The following FSIP1 variants were observed in gnomAD, a reference collection of about 807,000 sequenced individuals.
FSIP1 encodes fibrous sheath-interacting protein 1.
FSIP1 carries 65 observed loss-of-function variants against 60.9 expected under a neutral mutation model. The ratio of observed to expected loss-of-function variants is 1.07; its 90% CI spans 0.87 to 1.31. The LOEUF is 1.31. Ranked by LOEUF, FSIP1 falls within the 40% of genes most tolerant of loss-of-function variation. The pLI is 0.00. For missense variants in FSIP1, 675 were observed against 665.5 expected (o/e 1.01, Z -0.16); for synonymous variants, 209 against 221.2 (o/e 0.94, Z 0.49).
chr15:39,742,870 T>C (rs1347211859), intron 5 of FSIP1, among the ~76,000 whole-genome samples: 1 of 152,236 alleles, frequency 6.6e-6, no homozygotes, highest in African/African-American at 2.4e-5. Context: ...CTTTGTACAA[T>C]CTTTGATGAG....
chr15:39,728,451 T>C (rs1249648216), intron 8 of FSIP1, among the ~76,000 whole-genome samples: 2 of 152,056 alleles, frequency 1.3e-5, no homozygotes, highest in Non-Finnish European at 2.9e-5. Context: ...CATAGACCAA[T>C]GGAACAGAAG....
chr15:39,759,222 G>A (rs140828238), intron 5 of FSIP1, among the ~76,000 whole-genome samples: 16 of 152,008 alleles, frequency 1.1e-4, no homozygotes, highest in African/African-American at 3.4e-4. Context: ...TGCTTATGGT[G>A]TTTGTGACAA....
intron 2 of FSIP1, 39 bp from the exon 3 acceptor site, chr15:39,770,649 ACTGT>A: frequency 7.5e-7 from 1 of 1,327,442 alleles, no homozygotes; most frequent in Non-Finnish European, 1.0e-6. Context: ...TTCCGAAAAT[ACTGT>A]CTTTTTTTAA....
intron 10 of FSIP1, among the ~76,000 whole-genome samples, chr15:39,627,300 G>T (rs1170680819): frequency 6.6e-6 from 1 of 152,204 alleles, no homozygotes; most frequent in Non-Finnish European, 1.5e-5. Flanking sequence ...TGTCACTTCT[G>T]ATGCCACTGC....
chr15:39,680,645 G>A (rs143527534), intron 10 of FSIP1, among the ~76,000 whole-genome samples: 2 of 152,146 alleles, frequency 1.3e-5, no homozygotes, highest in African/African-American at 4.8e-5. Context: ...CTTGGTAACT[G>A]TAGAACCACA....
chr15:39,713,673 T>C, intron 9 of FSIP1, 92 bp from the exon 10 acceptor site: 1 of 1,167,906 alleles, frequency 8.6e-7, no homozygotes, highest in Non-Finnish European at 1.2e-6. Context: ...AGGGTTAGCT[T>C]TGCTTCTCAA....
At chr15:39,726,271 A>G (rs553134100) in intron 9 of FSIP1, among the ~76,000 whole-genome samples, 1 of 152,310 alleles carries the variant, frequency 6.6e-6, no homozygotes, top group East Asian at 1.9e-4. Flanking sequence ...ACAGGAATAA[A>G]GAAAAATAAG....
At chr15:39,730,310 G>T (rs1475514913) in intron 8 of FSIP1, among the ~76,000 whole-genome samples, 1 of 152,160 alleles carries the variant, frequency 6.6e-6, no homozygotes, top group Non-Finnish European at 1.5e-5. Context: ...CAAGATAGAG[G>T]CTTGGGATTA....
At chr15:39,747,857 A>G (rs948689385) in intron 5 of FSIP1, among the ~76,000 whole-genome samples, 6 of 152,074 alleles carry the variant, frequency 3.9e-5, no homozygotes, top group African/African-American at 1.4e-4. Flanking sequence ...TAAATCAGAA[A>G]AATTTCCTGT....
At chr15:39,757,315 T>C (rs1897330160) in intron 5 of FSIP1, among the ~76,000 whole-genome samples, 1 of 152,140 alleles carries the variant, frequency 6.6e-6, no homozygotes, top group African/African-American at 2.4e-5. Flanking sequence ...AGTAGCTTCG[T>C]ACCACCTTAT....
At chr15:39,679,193 T>C (rs1250593521) in intron 10 of FSIP1, among the ~76,000 whole-genome samples, 2 of 152,158 alleles carry the variant, frequency 1.3e-5, no homozygotes, top group Non-Finnish European at 2.9e-5. Context: ...TTAAGAAAGA[T>C]GGAGAATGGT....
At chr15:39,732,297 G>T (rs909534435) in intron 8 of FSIP1, among the ~76,000 whole-genome samples, 3 of 152,174 alleles carry the variant, frequency 2.0e-5, no homozygotes, top group African/African-American at 7.2e-5. Context: ...CCGTCCTAGA[G>T]AGATTCAAGA....
At chr15:39,613,860 T>G (rs944981521) in intron 11 of FSIP1, among the ~76,000 whole-genome samples, 7 of 152,236 alleles carry the variant, frequency 4.6e-5, no homozygotes, top group Admixed American at 2.0e-4. Context: ...AACCATATGA[T>G]AATCTCAATA....
chr15:39,712,469 C>CA (rs113221877), intron 10 of FSIP1, among the ~76,000 whole-genome samples: 21 of 149,530 alleles, frequency 1.4e-4, no homozygotes, highest in African/African-American at 4.2e-4. Flanking sequence ...AAGTAGGGAC[C>CA]AAAAAAAAAG....
intron 10 of FSIP1, among the ~76,000 whole-genome samples, chr15:39,635,039 T>TA (rs34494642): frequency 1.3e-5 from 2 of 152,088 alleles, no homozygotes; most frequent in Admixed American, 6.5e-5. Flanking sequence ...GTGCCTTTAG[T>TA]AAAAAAAGCA....
At chr15:39,669,028 A>G (rs1893612872) in intron 10 of FSIP1, among the ~76,000 whole-genome samples, 1 of 152,180 alleles carries the variant, frequency 6.6e-6, no homozygotes, top group African/African-American at 2.4e-5. Context: ...GAGAGTTCTA[A>G]GCAGTAGACA....
intron 2 of FSIP1, 134 bp downstream of exon 2, chr15:39,776,265 A>G (rs1014119341): frequency 1.4e-6 from 1 of 698,682 alleles, no homozygotes; most frequent in Middle Eastern, 3.0e-4. Context: ...TTAAAATCCA[A>G]GAAATCTGCA....
In FSIP1 at chr15:39,770,480, C is replaced by T. The variant is rs536457894; in HGVS notation, c.257G>A (p.Gly86Glu). 3 of 1,610,916 alleles carry T rather than the reference C, an allele frequency of 1.9e-6. No individual in the cohort carries two copies. Among genetic ancestry groups the T allele is most frequent in the East Asian group, 2.2e-5 (1 of 44,778 alleles). The change falls in exon 3 of 12, where the codon GGA becomes GAA. Residue 86 changes from glycine to glutamate, a missense_variant. Gly to Glu is a moderately conservative substitution (Grantham distance 98). Transcript: ENST00000350221. Reference sequence around the variant, plus strand: ...AACCAAATCCAGATCTTCATCTGATCCCTCTTCAGCCAATTTTATTTTCTC... The same window carrying T: ...AACCAAATCCAGATCTTCATCTGATTCCTCTTCAGCCAATTTTATTTTCTC... ...CSEKIKLAEE[G>E]SDEDLDLVQH... is the part of the protein sequence containing the mutation.
chr15:39,606,590 C>A (rs527745122), intron 11 of FSIP1, among the ~76,000 whole-genome samples: 1 of 152,222 alleles, frequency 6.6e-6, no homozygotes, highest in Non-Finnish European at 1.5e-5. Context: ...TATCCTTTAA[C>A]CAATAACTCC....
Sources: allele counts gnomAD v4.1 joint callset (sites outside exome capture counted in the v4.1 genomes callset), GRCh38; gene constraint gnomAD v4.1.1; transcripts MANE v1.5; gene names NCBI Gene and HGNC (gene_info 2026-07-23, HGNC 2026-07-21).